The following KHDRBS3 variants were observed in gnomAD, a reference collection of about 807,000 sequenced individuals.
KHDRBS3 encodes KH domain-containing, RNA-binding, signal transduction-associated protein 3.
Under a neutral mutation model 45.6 loss-of-function variants are expected in KHDRBS3, and 23 were observed. The observed-to-expected ratio is 0.50, with a 90% CI of 0.36 to 0.72. The LOEUF (loss-of-function observed/expected upper bound fraction) is 0.72, where lower values mean the gene tolerates loss of function less well. KHDRBS3 is among the 30% of genes least tolerant of loss of function. KHDRBS3 has a pLI of 0.00. For synonymous variants in KHDRBS3, 162 were observed against 156.5 expected, an observed-to-expected ratio of 1.04 and a Z score of -0.26; for missense variants, 352 against 424.8, an observed-to-expected ratio of 0.83 and a Z score of 1.51.
intron 2 of KHDRBS3, among the ~76,000 whole-genome samples, chr8:135,530,906 T>A (rs895958762): frequency 1.3e-5 from 2 of 152,182 alleles, no homozygotes. Flanking sequence ...CTATCACCCC[T>A]TACCCTATCG....
chr8:135,501,736 C>A (rs749667666), intron 1 of KHDRBS3, among the ~76,000 whole-genome samples: 2 of 151,534 alleles, frequency 1.3e-5, no homozygotes, highest in African/African-American at 2.4e-5. Context: ...TCATAGATAT[C>A]ATATAGTAGA....
chr8:135,514,261 A>G (rs1824451920), intron 1 of KHDRBS3, among the ~76,000 whole-genome samples: 1 of 152,254 alleles, frequency 6.6e-6, no homozygotes. Context: ...AAAAGAGATT[A>G]AAGGGTGTAG....
At chr8:135,652,086 G>T (rs1013463632), downstream of KHDRBS3, among the ~76,000 whole-genome samples, 4 of 152,192 alleles carry the variant, frequency 2.6e-5, no homozygotes, top group African/African-American at 9.7e-5. Context: ...TTTATTTTCT[G>T]TGCAAACAAT....
At chr8:135,591,156 A>G (rs901469414) in intron 6 of KHDRBS3, among the ~76,000 whole-genome samples, 1 of 152,260 alleles carries the variant, frequency 6.6e-6, no homozygotes, top group African/African-American at 2.4e-5. Context: ...CACACAGTCT[A>G]TTAGGGTAGA....
chr8:135,593,240 G>A (rs1828827113), intron 6 of KHDRBS3: 1 of 152,108 alleles, frequency 6.6e-6, no homozygotes, highest in Admixed American at 6.6e-5. Flanking sequence ...TTATGCTAAA[G>A]TGGCATATTT....
intron 6 of KHDRBS3, among the ~76,000 whole-genome samples, chr8:135,582,291 T>C (rs1387198735): frequency 6.6e-6 from 1 of 152,178 alleles, no homozygotes; most frequent in Non-Finnish European, 1.5e-5. Flanking sequence ...ATCTAAGGTA[T>C]GGAAGAGGAG....
rs1254542740 is a variant in KHDRBS3, at chr8:135,633,280, G to A, written c.891-11779G>A. Among the ~76,000 whole-genome samples, 4 of 152,316 alleles carry A rather than the reference G, an allele frequency of 2.6e-5. No homozygotes were observed. In the East Asian group the frequency reaches 7.7e-4, roughly 29 times the overall value. ...ACTGCTGAAGTTGGTAAGTGGCAGAGCCAGGACTCAGCCTGGTCTCACTAG... is the reference window on the plus strand; with the variant it reads ...ACTGCTGAAGTTGGTAAGTGGCAGAACCAGGACTCAGCCTGGTCTCACTAG... On this transcript the variant is annotated intron_variant, in intron 7 of 8. Transcript: ENST00000355849.
At chr8:135,561,126 C>T (rs1827147211) in intron 5 of KHDRBS3, among the ~76,000 whole-genome samples, 1 of 152,102 alleles carries the variant, frequency 6.6e-6, no homozygotes, top group African/African-American at 2.4e-5. Flanking sequence ...TTTAACCAAC[C>T]CTAGGGTAGA....
At chr8:135,517,884 AG>A (rs1824696566) in intron 1 of KHDRBS3, among the ~76,000 whole-genome samples, 2 of 152,234 alleles carry the variant, frequency 1.3e-5, no homozygotes, top group African/African-American at 4.8e-5. Context: ...AGTGCATTCT[AG>A]CAACTTAAGA....
At chr8:135,527,432 G>A (rs1223602538) in intron 2 of KHDRBS3, among the ~76,000 whole-genome samples, 4 of 152,312 alleles carry the variant, frequency 2.6e-5, no homozygotes, top group African/African-American at 9.6e-5. Context: ...GAAGGCATTT[G>A]GGGAATTACA....
chr8:135,521,245 A>C lies in KHDRBS3; in HGVS notation c.97A>C (p.Lys33Gln). The change falls in exon 2 of 9, where the codon AAG (lysine) becomes CAG (glutamine). Residue 33 changes from lysine (K) to glutamine (Q), a missense_variant. Lys to Gln is a moderately conservative substitution (Grantham distance 53). This residue lies in a region of KHDRBS3 where 58 missense variants were observed against 64.5 expected (regional missense o/e 0.90). Coordinates refer to ENST00000355849, the MANE Select transcript of KHDRBS3 (RefSeq NM_006558.3). ...TCTTTTTGCCTCCACAGAAATAGAA[A>C]AGTTTCAAAAAGGAGAAGGCAAGGA... ...ALRLVNQEIE[K>Q]FQKGEGKDEE... The C allele has an allele frequency of 6.2e-7, 1 of 1,605,074 alleles. No individual in the cohort carries two copies. Among genetic ancestry groups the C allele is most frequent in the Non-Finnish European group, 8.5e-7 (1 of 1,172,000 alleles).
Position 135,516,939 on chromosome 8 carries a change from AAACTT to A in KHDRBS3, c.89-4291_89-4287del, listed in dbSNP as rs544461131. ...TACATTACTAAAATTTTTATATTGG[AAACTT>A]AACTTATTTAAATGCAAAGATTATT... On this transcript the variant is annotated intron_variant, in intron 1 of 8. Transcript: ENST00000355849. Among the ~76,000 whole-genome samples the A allele has an allele frequency of 4.4e-3, 668 of 152,302 alleles. 3 individuals carry two copies. Among genetic ancestry groups the A allele is most frequent in the African/African-American group, 0.012 (490 of 41,562 alleles).
chr8:135,472,662 C>T (rs1025396845), intron 1 of KHDRBS3, among the ~76,000 whole-genome samples: 3 of 152,232 alleles, frequency 2.0e-5, no homozygotes, highest in African/African-American at 7.2e-5. Context: ...TTCTGGATCA[C>T]AGCTGAAGGA....
In KHDRBS3 at chr8:135,609,770, G is replaced by A. The variant is rs1013128925; in HGVS notation, c.890+2733G>A. On this transcript the variant is annotated intron_variant, in intron 7 of 8. Coordinates refer to ENST00000355849, the MANE Select transcript of KHDRBS3 (RefSeq NM_006558.3). ...TGACTGAGACGTCGTTATGCAGCAC[G>A]TGACTCTATTCCGTGTGTTGGACTT... Among the ~76,000 whole-genome samples the A allele has an allele frequency of 2.6e-5, 4 of 151,798 alleles. 1 individual carries two copies. Among genetic ancestry groups the A allele is most frequent in the African/African-American group, 9.7e-5 (4 of 41,104 alleles).
chr8:135,591,710 G>A (rs933011927), intron 6 of KHDRBS3, among the ~76,000 whole-genome samples: 2 of 152,168 alleles, frequency 1.3e-5, no homozygotes, highest in South Asian at 2.1e-4. Context: ...TAGTATACAT[G>A]TTGTTATTTA....
intron 7 of KHDRBS3, among the ~76,000 whole-genome samples, chr8:135,623,065 T>C (rs1050832094): frequency 1.2e-4 from 18 of 152,170 alleles, no homozygotes; most frequent in African/African-American, 4.3e-4. Context: ...TTCAACCTGG[T>C]TTTTCAATGT....
Position 135,653,671 on chromosome 8 carries a change from C to T in KHDRBS3, c.*118-2555C>T, listed in dbSNP as rs1423504733. On this transcript the variant is annotated intron_variant and NMD_transcript_variant, in intron 4 of 4. Transcript: ENST00000521461. Reference sequence around the variant, plus strand: ...CTTGTGTTCGATGATTCAGCCCAACCGTATGCTAATGTAAGTGTTTTGAGT... The same window carrying T: ...CTTGTGTTCGATGATTCAGCCCAACTGTATGCTAATGTAAGTGTTTTGAGT... Among the ~76,000 whole-genome samples the T allele has an allele frequency of 1.1e-4, 16 of 152,246 alleles. No homozygotes were observed. In the East Asian group the frequency reaches 2.3e-3, roughly 22 times the overall value.
intron 7 of KHDRBS3, among the ~76,000 whole-genome samples, chr8:135,618,279 TGGA>T (rs917833290): frequency 6.6e-6 from 1 of 152,314 alleles, no homozygotes; most frequent in African/African-American, 2.4e-5. Context: ...AAGCAATTTC[TGGA>T]GGAGTTCTGG....
At chr8:135,523,235 T>G (rs1825007893) in intron 2 of KHDRBS3, among the ~76,000 whole-genome samples, 1 of 152,200 alleles carries the variant, frequency 6.6e-6, no homozygotes, top group Admixed American at 6.5e-5. Context: ...GCATTGCATC[T>G]GTTGAGCAAT....
Sources: allele counts gnomAD v4.1 joint callset (sites outside exome capture counted in the v4.1 genomes callset), GRCh38; gene constraint gnomAD v4.1.1; regional missense constraint gnomAD v4.1.1; transcripts MANE v1.5; gene names NCBI Gene and HGNC (gene_info 2026-07-23, HGNC 2026-07-21).